RBFOX2: variants seen among roughly 807,000 people sequenced by gnomAD.
RBFOX2 encodes RNA binding fox-1 homolog 2, also known as RNA binding protein fox-1 homolog 2.
A neutral mutation model predicts 49.1 loss-of-function variants in RBFOX2; 10 were observed. The ratio of observed to expected loss-of-function variants is 0.20; its 90% confidence interval spans 0.13 to 0.35. The LOEUF is 0.35. RBFOX2 is among the 10% of genes least tolerant of loss of function. The probability of loss-of-function intolerance (pLI) is 1.00; values close to 1 mark genes in which losing one functional copy is unlikely to be tolerated. For missense variants in RBFOX2, 323 were observed against 486.9 expected, an observed-to-expected ratio of 0.66 and a Z score of 3.17; for synonymous variants, 183 against 187.4, an observed-to-expected ratio of 0.98 and a Z score of 0.19.
rs562277901 is a variant in RBFOX2 at position 35,760,249 on chromosome 22, T to A, written c.755-229A>T. ...AGCAAAAGATTCCATGCCTCATTCA[T>A]CACAAATCTTGAGTGAGCTTCTCTG... On this transcript the variant is annotated intron_variant, in intron 8 of 11. Coordinates refer to ENST00000405409, the Ensembl canonical transcript of RBFOX2. Among the ~76,000 whole-genome samples the A allele has an allele frequency of 2.0e-5, 3 of 152,306 alleles. No homozygotes were observed. In the East Asian group the frequency reaches 5.8e-4, roughly 29 times the overall value.
chr22:35,794,065 A>C (rs531463028), intron 2 of RBFOX2, among the ~76,000 whole-genome samples: 54 of 152,278 alleles, frequency 3.5e-4, no homozygotes, highest in African/African-American at 1.2e-3. Context: ...ATATCACCTC[A>C]ATTTTTTAAA....
chr22:35,986,919 C>CT (rs1282281219), intron 1 of RBFOX2, among the ~76,000 whole-genome samples: 2 of 151,764 alleles, frequency 1.3e-5, no homozygotes, highest in Admixed American at 1.3e-4. Flanking sequence ...ACCATAAACT[C>CT]TTACTTCACT....
At chr22:36,023,360 T>G (rs934244912) in intron 1 of RBFOX2, among the ~76,000 whole-genome samples, 1 of 152,228 alleles carries the variant, frequency 6.6e-6, no homozygotes, top group African/African-American at 2.4e-5. Flanking sequence ...TATGACTCTA[T>G]GGTGAGAAGC....
chr22:35,840,607 T>G, upstream of RBFOX2: 12 of 1,123,272 alleles, frequency 1.1e-5, no homozygotes, highest in Non-Finnish European at 1.3e-5. Flanking sequence ...GTGTACGCTG[T>G]GCGCACGCGT....
At chr22:35,995,015 A>G (rs916375196) in intron 1 of RBFOX2, 1 of 152,232 alleles carries the variant, frequency 6.6e-6, no homozygotes, top group Non-Finnish European at 1.5e-5. Context: ...GAGATATCTC[A>G]TTTGAGCAGG....
chr22:35,895,619 CT>C (rs1051602219), intron 1 of RBFOX2, among the ~76,000 whole-genome samples: 94 of 152,256 alleles, frequency 6.2e-4, no homozygotes, highest in Non-Finnish European at 1.1e-3. Flanking sequence ...TCAACATAGC[CT>C]GGCTTCTGAA....
chr22:35,972,361 T>C (rs1603460409), intron 1 of RBFOX2, among the ~76,000 whole-genome samples: 1 of 151,916 alleles, frequency 6.6e-6, no homozygotes, highest in East Asian at 1.9e-4. Context: ...AGGAAAAATA[T>C]GTTTCCATTC....
intron 1 of RBFOX2, among the ~76,000 whole-genome samples, chr22:35,860,232 T>C (rs1245995794): frequency 1.3e-5 from 2 of 152,184 alleles, no homozygotes; most frequent in African/African-American, 2.4e-5. Flanking sequence ...GCCTGTTCAC[T>C]GAGGCTTGCC....
intron 4 of RBFOX2, among the ~76,000 whole-genome samples, chr22:35,774,400 A>G (rs566016518): frequency 1.3e-5 from 2 of 152,274 alleles, no homozygotes; most frequent in East Asian, 3.9e-4. Flanking sequence ...ATTTTTTGGC[A>G]GGAATACCAC....
intron 1 of RBFOX2, among the ~76,000 whole-genome samples, chr22:35,860,240 G>A (rs752330473): frequency 1.3e-5 from 2 of 152,072 alleles, no homozygotes; most frequent in Non-Finnish European, 2.9e-5. Context: ...ACTGAGGCTT[G>A]CCCTCTCTTG....
At chr22:36,027,948 G>GA (rs1484354220) in intron 1 of RBFOX2, among the ~76,000 whole-genome samples, 15 of 152,142 alleles carry the variant, frequency 9.9e-5, no homozygotes, top group African/African-American at 3.1e-4. Context: ...GGAAGGATTT[G>GA]AAAAAATGGA....
chr22:35,932,323 A>T (rs1266207810), intron 1 of RBFOX2, among the ~76,000 whole-genome samples: 1 of 152,170 alleles, frequency 6.6e-6, no homozygotes, highest in Non-Finnish European at 1.5e-5. Context: ...GTTAGAAAAA[A>T]GAAAAAAAAA....
intron 1 of RBFOX2, among the ~76,000 whole-genome samples, chr22:35,935,899 A>C (rs546450242): frequency 1.5e-4 from 23 of 152,302 alleles, no homozygotes; most frequent in African/African-American, 5.5e-4. Flanking sequence ...CTACTTCAAA[A>C]GGGGTGTTTG....
chr22:35,911,493 C>A (rs1486736418), intron 1 of RBFOX2, among the ~76,000 whole-genome samples: 2 of 152,024 alleles, frequency 1.3e-5, no homozygotes, highest in Admixed American at 1.3e-4. Context: ...AAAAATCCAA[C>A]AAGAGTAAAG....
upstream of RBFOX2, among the ~76,000 whole-genome samples, chr22:35,964,743 A>G (rs2056456416): frequency 6.6e-6 from 1 of 152,194 alleles, no homozygotes; most frequent in Admixed American, 6.5e-5. Flanking sequence ...GACCATGCTA[A>G]AGAGGCCAAG....
intron 1 of RBFOX2, among the ~76,000 whole-genome samples, chr22:35,853,010 A>G (rs1243486614): frequency 6.6e-6 from 1 of 152,102 alleles, no homozygotes; most frequent in Non-Finnish European, 1.5e-5. Context: ...AATGAAAAAA[A>G]TTGCCAGGCA....
chr22:35,911,923 C>T (rs1306866004), intron 1 of RBFOX2, among the ~76,000 whole-genome samples: 1 of 152,182 alleles, frequency 6.6e-6, no homozygotes, highest in African/African-American at 2.4e-5. Flanking sequence ...ACCTCAACAA[C>T]ATTTGCTGGT....
At chr22:35,814,118 T>A (rs778543208) in intron 1 of RBFOX2, among the ~76,000 whole-genome samples, 1 of 152,204 alleles carries the variant, frequency 6.6e-6, no homozygotes, top group Non-Finnish European at 1.5e-5. Context: ...CGATACATAT[T>A]ATATACAGCC....
At chr22:35,916,281 C>A (rs1034231626) in intron 1 of RBFOX2, among the ~76,000 whole-genome samples, 1 of 152,150 alleles carries the variant, frequency 6.6e-6, no homozygotes, top group South Asian at 2.1e-4. Flanking sequence ...TGGGTGTTTG[C>A]ATGTTTGTTT....
Sources: allele counts gnomAD v4.1 joint callset (sites outside exome capture counted in the v4.1 genomes callset), GRCh38; gene constraint gnomAD v4.1.1; transcripts MANE v1.5; gene names NCBI Gene and HGNC (gene_info 2026-07-23, HGNC 2026-07-21).